NCKAP1: variants seen among roughly 807,000 people sequenced by gnomAD.
The protein encoded by NCKAP1 is nck-associated protein 1.
In NCKAP1, 21 loss-of-function variants were observed where a neutral mutation model predicts 151.2. The ratio of observed to expected loss-of-function variants is 0.14; its 90% CI spans 0.10 to 0.20. The LOEUF is 0.20. NCKAP1 is among the 10% of genes least tolerant of loss of function. The pLI, the probability that NCKAP1 is intolerant of heterozygous loss-of-function variation, is 1.00. For synonymous variants in NCKAP1, 484 were observed against 451.8 expected (o/e 1.07, Z -0.90); for missense variants, 933 against 1,352.1 (o/e 0.69, Z 4.86).
intron 15 of NCKAP1, among the ~76,000 whole-genome samples, chr2:182,968,041 G>A (rs1018869689): frequency 1.3e-5 from 2 of 152,142 alleles, no homozygotes; most frequent in African/African-American, 4.8e-5. Flanking sequence ...TGTTTGTTAC[G>A]GCTAGAGTTT....
In NCKAP1 at chr2:183,035,273, C is replaced by T. The variant is rs80172786; in HGVS notation, c.108+2719G>A. On this transcript the variant is annotated intron_variant, in intron 1 of 30. Transcript: ENST00000361354. ...AATATTAAGATCTCAAAATTTTTGACTGATGAAATTAAAAAAAAAAAACAT... is the reference window on the plus strand; with the variant it reads ...AATATTAAGATCTCAAAATTTTTGATTGATGAAATTAAAAAAAAAAAACAT... 9.5e-3 allele frequency among the ~76,000 whole-genome samples: 1,423 copies of T among 150,366 alleles called. 22 individuals are homozygous for T. Among genetic ancestry groups the T allele is most frequent in the African/African-American group, 0.034 (1,357 of 40,212 alleles).
intron 10 of NCKAP1, among the ~76,000 whole-genome samples, chr2:182,985,741 T>C (rs1341573796): frequency 6.8e-6 from 1 of 147,832 alleles, no homozygotes; most frequent in African/African-American, 2.5e-5. Context: ...AGGTGGAGAC[T>C]GCAGTGAGCC....
chr2:182,926,165 A>G (rs1460167796), intron 30 of NCKAP1, among the ~76,000 whole-genome samples: 1 of 152,052 alleles, frequency 6.6e-6, no homozygotes. Flanking sequence ...CTGGCAATCA[A>G]AGACTAAGCT....
chr2:182,988,215 C>A (rs1306433304), intron 9 of NCKAP1, among the ~76,000 whole-genome samples: 1 of 152,130 alleles, frequency 6.6e-6, no homozygotes, highest in Admixed American at 6.6e-5. Context: ...TATTGGCTTA[C>A]ATTTAGCGTC....
At position 182,952,634 on chromosome 2, in the gene NCKAP1, G is replaced by A. The variant is rs1013386889; in HGVS notation, c.2504-132C>T. Reference sequence around the variant, plus strand: ...TGATAAAAGTCTCTAGAGTGAAAGAGAGAATACAAAATGCAAAAGTAATTC... The same window carrying A: ...TGATAAAAGTCTCTAGAGTGAAAGAAAGAATACAAAATGCAAAAGTAATTC... On this transcript the variant is annotated intron_variant, in intron 22 of 30. Transcript: ENST00000361354. The A allele has an allele frequency of 5.5e-6, 6 of 1,096,712 alleles. No individual in the cohort carries two copies. The African/African-American group carries it at 8.1e-5, about 15-fold the overall frequency. 67.9% of individuals were successfully genotyped at this position (1,096,712 alleles called of 1,614,324 possible). A position where few individuals can be genotyped will look rare whatever the true frequency, so the allele number is the denominator to read the frequency against.
In NCKAP1 at chr2:182,917,095, C is replaced by A. The variant is rs1696479870; in HGVS notation, c.*8607G>T. On this transcript the variant is annotated 3_prime_UTR_variant, in exon 31 of 31. Transcript: ENST00000361354. Reference sequence around the variant, plus strand: ...CTACTTTGTGGTAGCCTCTTCTTCCCCACCATCTCATCAATTTATACGCAT... The same window carrying A: ...CTACTTTGTGGTAGCCTCTTCTTCCACACCATCTCATCAATTTATACGCAT... The A allele has an allele frequency of 6.6e-6, 1 of 152,164 alleles. No individual in the cohort carries two copies. Among genetic ancestry groups the A allele is most frequent in the African/African-American group, 2.4e-5 (1 of 41,428 alleles). 9.4% of individuals were successfully genotyped at this position (152,164 alleles called of 1,614,324 possible).
chr2:182,987,803 C>A (rs752891377), intron 9 of NCKAP1, among the ~76,000 whole-genome samples: 2 of 152,022 alleles, frequency 1.3e-5, no homozygotes, highest in Admixed American at 6.6e-5. Context: ...CACTATTTAT[C>A]ATATGACTGA....
At chr2:182,975,954 T>C (rs951273486) in intron 15 of NCKAP1, among the ~76,000 whole-genome samples, 2 of 151,942 alleles carry the variant, frequency 1.3e-5, no homozygotes, top group East Asian at 1.9e-4. Context: ...CAAAAATAAA[T>C]AGCAAAACAG....
chr2:182,952,276 T>C (rs1697230725), intron 23 of NCKAP1, 129 bp downstream of exon 23: 3 of 567,068 alleles, frequency 5.3e-6, no homozygotes, highest in Non-Finnish European at 8.8e-6. Context: ...AGCTATTTAA[T>C]TTTCATTTTC....
At chr2:182,927,884 C>T (rs547847697) in intron 29 of NCKAP1, among the ~76,000 whole-genome samples, 2 of 151,594 alleles carry the variant, frequency 1.3e-5, no homozygotes, top group African/African-American at 4.8e-5. Context: ...GACGGCTCCT[C>T]GATTTTAATG....
chr2:182,947,825 C>A (rs7566668), intron 23 of NCKAP1, among the ~76,000 whole-genome samples: 102,228 of 152,070 alleles, frequency 0.67, 37,649 homozygotes, highest in East Asian at 0.96. Context: ...ATACAACACA[C>A]TGAATTTATC....
chr2:182,920,509 T>G lies in NCKAP1; in HGVS notation c.*5193A>C, dbSNP rs924417360. On this transcript the variant is annotated 3_prime_UTR_variant, in exon 31 of 31. Transcript: ENST00000361354. Reference sequence around the variant, plus strand: ...GTTTATAAAGTTTATAAGCAAGAACTGTGAACAATAAATTTGTTACTATAA... The same window carrying G: ...GTTTATAAAGTTTATAAGCAAGAACGGTGAACAATAAATTTGTTACTATAA... 1 of 152,212 alleles carries G rather than the reference T, an allele frequency of 6.6e-6. No homozygotes were observed. The highest frequency in any genetic ancestry group is 2.4e-5 in the African/African-American group (1 of 41,452). The allele number at this position is 152,212 out of a possible 1,614,324, so 9.4% of individuals were successfully genotyped here. A position where few individuals can be genotyped will look rare whatever the true frequency, so the allele number is the denominator to read the frequency against.
rs912216221 is a variant in NCKAP1, at chr2:182,975,759, G to T, written c.1482+1134C>A. The stretch of plus-strand genomic sequence containing the variant: ...AGTCTCTAAAATTTTTTTTTAATTA[G>T]CTGGGTGTGGTGGCTTGCACTTATA... On this transcript the variant is annotated intron_variant, in intron 15 of 30. Coordinates refer to ENST00000361354, the MANE Select transcript of NCKAP1 (RefSeq NM_013436.5). 2.6e-5 allele frequency among the ~76,000 whole-genome samples: 4 copies of T among 151,834 alleles called. No individual in the cohort carries two copies. In the East Asian group the frequency reaches 7.8e-4, roughly 29 times the overall value.
rs4392211 is a variant in NCKAP1, at chr2:182,915,680, T to C, written c.*10022A>G. ...TGAGATCATCAGACCAGCTTGACTA[T>C]AGGAGGCATTTCTGTAAAGGGGTAA... On this transcript the variant is annotated 3_prime_UTR_variant, in exon 31 of 31. Transcript: ENST00000361354. 102,505 of 152,050 alleles carry C rather than the reference T, an allele frequency of 0.67. 37,844 individuals are homozygous for C. The highest frequency in any genetic ancestry group is 0.96 in the East Asian group (4,944 of 5,152). The allele number at this position is 152,050 out of a possible 1,614,324, so 9.4% of individuals were successfully genotyped here.
intron 24 of NCKAP1, among the ~76,000 whole-genome samples, chr2:182,940,117 G>T (rs756569388): frequency 1.3e-5 from 2 of 151,984 alleles, no homozygotes; most frequent in South Asian, 2.1e-4. Flanking sequence ...ACACTGCAGC[G>T]GATTATTTGC....
At chr2:182,953,739 A>AG (rs1178375467) in intron 20 of NCKAP1, among the ~76,000 whole-genome samples, 1 of 152,156 alleles carries the variant, frequency 6.6e-6, no homozygotes, top group Non-Finnish European at 1.5e-5. Context: ...CAGAGGTTGC[A>AG]GTGAGCTGAG....
At chr2:182,988,840 T>C (rs1162615541) in intron 9 of NCKAP1, among the ~76,000 whole-genome samples, 190 bp downstream of exon 9, 3 of 152,130 alleles carry the variant, frequency 2.0e-5, no homozygotes, top group Non-Finnish European at 4.4e-5. Context: ...ATATGTGAAG[T>C]TACCTGTAAA....
At chr2:183,035,896 A>C (rs937037652) in intron 1 of NCKAP1, among the ~76,000 whole-genome samples, 10 of 152,166 alleles carry the variant, frequency 6.6e-5, no homozygotes, top group African/African-American at 2.4e-4. Context: ...ATAAGGCCCT[A>C]AATACTCTAG....
chr2:183,008,428 A>C (rs11899644), intron 2 of NCKAP1, among the ~76,000 whole-genome samples: 49,877 of 152,134 alleles, frequency 0.33, 11,459 homozygotes, highest in African/African-American at 0.65. Context: ...ATAAAAAAAT[A>C]ATTACCAGTG....
Sources: gnomAD v4.1 joint callset for allele counts (sites outside exome capture counted in the v4.1 genomes callset) on GRCh38, gnomAD v4.1.1 for gene constraint, MANE v1.5 for transcripts, NCBI Gene and HGNC (gene_info 2026-07-23, HGNC 2026-07-21) for gene names.